Variants in HTATIP2 observed in about 807,000 individuals in gnomAD.
The protein encoded by HTATIP2 is protein HTATIP2.
A neutral mutation model predicts 24.7 loss-of-function variants in HTATIP2; 26 were observed. That is an observed-to-expected ratio of 1.05 (90% CI 0.77 to 1.46). The LOEUF (loss-of-function observed/expected upper bound fraction) is 1.46. Among genes scored for constraint, HTATIP2 ranks in the 40% most tolerant of loss-of-function variants. The probability of loss-of-function intolerance (pLI) is 0.00; values close to 1 mark genes in which losing one functional copy is unlikely to be tolerated. For synonymous variants in HTATIP2, 99 were observed against 113.2 expected (o/e 0.87, Z 0.79); for missense variants, 284 against 289.6 (o/e 0.98, Z 0.14).
intron 2 of HTATIP2, among the ~76,000 whole-genome samples, chr11:20,371,399 A>C (rs2064770696): frequency 6.6e-6 from 1 of 152,114 alleles, no homozygotes; most frequent in Admixed American, 6.5e-5. Context: ...TCCTACTGCA[A>C]AATTCTTAAA....
chr11:20,364,518 G>A (rs537724443), intron 1 of HTATIP2, 86 bp downstream of exon 1: 5 of 1,187,528 alleles, frequency 4.2e-6, no homozygotes, highest in Non-Finnish European at 5.9e-6. Context: ...ATACTGCCCT[G>A]CCAGTGGTGG....
chr11:20,383,076 T>C lies in HTATIP2; in HGVS notation c.600T>C (p.Ser200=), dbSNP rs999325258. 5 of 1,613,874 alleles carry C rather than the reference T, an allele frequency of 3.1e-6. No homozygotes were observed. Among genetic ancestry groups the C allele is most frequent in the East Asian group, 2.2e-5 (1 of 44,858 alleles). The change falls in exon 5 of 5, where the codon TCT becomes TCC. Residue 200 remains serine, a synonymous_variant. Transcript: ENST00000451739. ...SLPDSWASGH[S]VPVVTVVRAM... ...CAGACTCTTGGGCCAGTGGGCATTC[T>C]GTGCCTGTGGTGACCGTGGTTAGAG...
At chr11:20,378,714 T>C (rs941446025) in intron 3 of HTATIP2, among the ~76,000 whole-genome samples, 2 of 152,172 alleles carry the variant, frequency 1.3e-5, no homozygotes, top group Non-Finnish European at 1.5e-5. Context: ...TATGTGCATT[T>C]GCGTGGAAAC....
intron 2 of HTATIP2, among the ~76,000 whole-genome samples, chr11:20,371,580 C>T (rs558253765): frequency 4.6e-5 from 7 of 151,928 alleles, no homozygotes; most frequent in South Asian, 2.1e-4. Flanking sequence ...CACAGGCATG[C>T]GCCACCATGG....
At chr11:20,379,424 T>A (rs1848489011) in intron 3 of HTATIP2, among the ~76,000 whole-genome samples, 1 of 152,256 alleles carries the variant, frequency 6.6e-6, no homozygotes, top group Non-Finnish European at 1.5e-5. Flanking sequence ...AAAATAATCC[T>A]TCAACTACTG....
At chr11:20,379,618 A>T (rs1013350094) in intron 3 of HTATIP2, among the ~76,000 whole-genome samples, 2 of 152,140 alleles carry the variant, frequency 1.3e-5, no homozygotes, top group African/African-American at 4.8e-5. Context: ...CATGTGCTTT[A>T]TGGGCATTCT....
chr11:20,371,627 G>A (rs891742287), intron 2 of HTATIP2, among the ~76,000 whole-genome samples: 34 of 151,906 alleles, frequency 2.2e-4, no homozygotes, highest in African/African-American at 7.7e-4. Context: ...TAGAGACAGG[G>A]TTTTGCCATG....
chr11:20,363,775 A>C lies in HTATIP2; in HGVS notation c.-463A>C, dbSNP rs2064658955. On this transcript the variant is annotated 5_prime_UTR_variant, in exon 1 of 5. Transcript: ENST00000451739. ...GTAGGCGCTGTCTCCGTCGCCTCCA[A>C]CCCCCCCGGTCCGACCAGGGAAGGT... The C allele has an allele frequency of 3.2e-6, 4 of 1,238,510 alleles. No individual in the cohort carries two copies. Among genetic ancestry groups the C allele is most frequent in the Non-Finnish European group, 4.1e-6 (4 of 986,944 alleles). 76.7% of individuals were successfully genotyped at this position (1,238,510 alleles called of 1,614,324 possible).
chr11:20,363,782 C>A lies in HTATIP2; in HGVS notation c.-456C>A. 6 of 1,240,990 alleles carry A rather than the reference C, an allele frequency of 4.8e-6. No homozygotes were observed. The highest frequency in any genetic ancestry group is 6.1e-6 in the Non-Finnish European group (6 of 987,848). The allele number at this position is 1,240,990 out of a possible 1,614,324, so 76.9% of individuals were successfully genotyped here. A position where few individuals can be genotyped will look rare whatever the true frequency, so the allele number is the denominator to read the frequency against. On this transcript the variant is annotated 5_prime_UTR_variant, in exon 1 of 5. Coordinates refer to ENST00000451739, the MANE Select transcript of HTATIP2 (RefSeq NM_001098522.2). ...CTGTCTCCGTCGCCTCCAACCCCCC[C>A]GGTCCGACCAGGGAAGGTGGGATGC... is the stretch of plus-strand genomic sequence containing the variant.
chr11:20,376,386 C>G, intron 2 of HTATIP2, 194 bp from the exon 3 acceptor site: 2 of 587,938 alleles, frequency 3.4e-6, no homozygotes, highest in Middle Eastern at 3.4e-4. Flanking sequence ...GCTGCTAAAG[C>G]TGGTGTGCCT....
At chr11:20,365,919 A>C (rs1355402411) in intron 1 of HTATIP2, among the ~76,000 whole-genome samples, 1 of 148,872 alleles carries the variant, frequency 6.7e-6, no homozygotes, top group African/African-American at 2.5e-5. Context: ...TGCAGTGAGC[A>C]GAAATTGTGC....
chr11:20,380,635 G>A (rs1340365568), intron 3 of HTATIP2, among the ~76,000 whole-genome samples: 1 of 131,634 alleles, frequency 7.6e-6, no homozygotes, highest in Non-Finnish European at 1.5e-5. Context: ...TTGCGCCACT[G>A]CACTCCAGCC....
At chr11:20,375,582 C>T (rs1259625484) in intron 2 of HTATIP2, among the ~76,000 whole-genome samples, 1 of 152,126 alleles carries the variant, frequency 6.6e-6, no homozygotes, top group Non-Finnish European at 1.5e-5. Flanking sequence ...CAATCAATCA[C>T]TGGGGCAGTA....
At position 20,363,723 on chromosome 11, in the gene HTATIP2, G is replaced by T; in HGVS notation, c.-515G>T. ...GTGGGCGGGGCGAGGCAGCGTCGCC[G>T]CGAGGCCACCCGGAAGACCAAGCCG... On this transcript the variant is annotated 5_prime_UTR_variant, in exon 1 of 5. Coordinates refer to ENST00000451739, the MANE Select transcript of HTATIP2 (RefSeq NM_001098522.2). 4.1e-6 allele frequency: 5 copies of T among 1,230,640 alleles called. No homozygotes were observed. Among genetic ancestry groups the T allele is most frequent in the Non-Finnish European group, 5.1e-6 (5 of 985,678 alleles). 76.2% of individuals were successfully genotyped at this position (1,230,640 alleles called of 1,614,324 possible).
intron 1 of HTATIP2, among the ~76,000 whole-genome samples, chr11:20,365,719 C>T (rs1364883713): frequency 6.6e-6 from 1 of 152,056 alleles, no homozygotes; most frequent in Non-Finnish European, 1.5e-5. Context: ...TGCCTGTAAT[C>T]CCAGAGCTTT....
chr11:20,367,842 A>G (rs932149646), intron 2 of HTATIP2, among the ~76,000 whole-genome samples: 3 of 152,124 alleles, frequency 2.0e-5, no homozygotes, highest in African/African-American at 7.2e-5. Context: ...CGCACATTTT[A>G]TTTTCTTTTT....
chr11:20,375,391 G>A (rs1848430713), intron 2 of HTATIP2, among the ~76,000 whole-genome samples: 1 of 152,174 alleles, frequency 6.6e-6, no homozygotes, highest in East Asian at 1.9e-4. Flanking sequence ...CGCTAACGTG[G>A]TGAAACCCTG....
chr11:20,379,477 C>T (rs1243659109), intron 3 of HTATIP2, among the ~76,000 whole-genome samples: 1 of 152,120 alleles, frequency 6.6e-6, no homozygotes, highest in African/African-American at 2.4e-5. Context: ...TCTCAGCCTC[C>T]ATGTGTGTAT....
chr11:20,382,423 T>C (rs1429940347), intron 4 of HTATIP2, among the ~76,000 whole-genome samples, 184 bp downstream of exon 4: 1 of 152,236 alleles, frequency 6.6e-6, no homozygotes, highest in African/African-American at 2.4e-5. Context: ...TGGTGGGGCC[T>C]GCTTCAGAAT....
Sources: allele counts gnomAD v4.1 joint callset (sites outside exome capture counted in the v4.1 genomes callset), GRCh38; gene constraint gnomAD v4.1.1; transcripts MANE v1.5; gene names NCBI Gene and HGNC (gene_info 2026-07-23, HGNC 2026-07-21).